MLLT3: variants seen among roughly 807,000 people sequenced by gnomAD.
MLLT3 encodes the protein MLLT3 super elongation complex subunit, also known as protein AF-9.
A neutral mutation model predicts 53.2 loss-of-function variants in MLLT3; 4 were observed. That is an observed-to-expected ratio of 0.08 (90% CI 0.04 to 0.17). The LOEUF (loss-of-function observed/expected upper bound fraction) is 0.17. Ranked by LOEUF, MLLT3 falls within the 10% of genes least tolerant of loss-of-function variation. The pLI is 1.00. For missense variants in MLLT3, 569 were observed against 684.0 expected (o/e 0.83, Z 1.87); for synonymous variants, 283 against 230.6 (o/e 1.23, Z -2.06).
At chr9:20,471,312 C>T (rs551725539) in intron 2 of MLLT3, among the ~76,000 whole-genome samples, 5 of 151,822 alleles carry the variant, frequency 3.3e-5, no homozygotes, top group South Asian at 2.1e-4. Context: ...AACAGTAATG[C>T]GATGTTGAGT....
At chr9:20,618,078 G>C (rs1350071342) in intron 2 of MLLT3, among the ~76,000 whole-genome samples, 1 of 152,158 alleles carries the variant, frequency 6.6e-6, no homozygotes, top group South Asian at 2.1e-4. Context: ...TGTATACAGT[G>C]AAAGTGATTT....
At chr9:20,415,463 G>A in intron 4 of MLLT3, 6 of 969,268 alleles carry the variant, frequency 6.2e-6, no homozygotes, top group Non-Finnish European at 7.4e-6. Context: ...ACCATTAATA[G>A]TAAGAATAAG....
chr9:20,525,146 A>C (rs540924742), intron 2 of MLLT3, among the ~76,000 whole-genome samples: 1 of 150,888 alleles, frequency 6.6e-6, no homozygotes, highest in Non-Finnish European at 1.5e-5. Context: ...AAAAAAAAAA[A>C]CAGAGGCGTG....
chr9:20,565,766 A>T (rs1036880638), intron 2 of MLLT3, among the ~76,000 whole-genome samples: 39 of 151,064 alleles, frequency 2.6e-4, no homozygotes, highest in African/African-American at 9.2e-4. Flanking sequence ...TGGTGCCCTG[A>T]GACCTAGACT....
intron 2 of MLLT3, among the ~76,000 whole-genome samples, chr9:20,510,605 C>CCA (rs1159948620): frequency 1.8e-5 from 2 of 109,482 alleles, no homozygotes; most frequent in Non-Finnish European, 3.6e-5. Flanking sequence ...GATCAAGACT[C>CCA]CATCTCAGAA....
At chr9:20,350,757 C>A (rs997617618) in intron 10 of MLLT3, among the ~76,000 whole-genome samples, 1 of 152,128 alleles carries the variant, frequency 6.6e-6, no homozygotes, top group Non-Finnish European at 1.5e-5. Context: ...ACTACGCAGG[C>A]TGTTGGATGT....
chr9:20,508,670 A>T (rs565142953), intron 2 of MLLT3, among the ~76,000 whole-genome samples: 53 of 152,332 alleles, frequency 3.5e-4, no homozygotes, highest in African/African-American at 1.2e-3. Flanking sequence ...AAGAAACTTA[A>T]CAGAACAAAA....
At chr9:20,365,631 G>A (rs1821430467) in intron 6 of MLLT3, 38 bp downstream of exon 6, 9 of 1,612,186 alleles carry the variant, frequency 5.6e-6, no homozygotes, top group African/African-American at 1.3e-5. Flanking sequence ...GGTGTTTTAT[G>A]AGAAAAGCAT....
At chr9:20,405,923 C>A (rs1003513661) in intron 5 of MLLT3, among the ~76,000 whole-genome samples, 2 of 151,846 alleles carry the variant, frequency 1.3e-5, no homozygotes, top group African/African-American at 4.8e-5. Flanking sequence ...ACCAGCCTGG[C>A]CAACATGGTG....
intron 2 of MLLT3, among the ~76,000 whole-genome samples, chr9:20,517,751 T>G (rs1178306157): frequency 2.6e-5 from 4 of 151,834 alleles, no homozygotes; most frequent in Non-Finnish European, 4.4e-5. Context: ...GCAGAAAAAT[T>G]GCTTGAACCT....
In MLLT3 at chr9:20,425,182, A is replaced by G. The variant is rs560130072; in HGVS notation, c.421-10757T>C. The stretch of plus-strand genomic sequence containing the variant: ...ACATTAAACATCTAGAAAGTTATAA[A>G]GGTATCCAAGAGATCAATTTAAAAT... On this transcript the variant is annotated intron_variant, in intron 4 of 10. Coordinates refer to ENST00000380338, the MANE Select transcript of MLLT3 (RefSeq NM_004529.4). Among the ~76,000 whole-genome samples the G allele has an allele frequency of 5.9e-5, 9 of 152,312 alleles. No homozygotes were observed. The South Asian group carries it at 1.9e-3, about 32-fold the overall frequency.
Position 20,622,360 on chromosome 9 carries a change from C to T in MLLT3, c.-104G>A. 1 of 1,099,854 alleles carries T rather than the reference C, an allele frequency of 9.1e-7. No individual in the cohort carries two copies. Among genetic ancestry groups the T allele is most frequent in the Non-Finnish European group, 1.3e-6 (1 of 787,628 alleles). 68.1% of individuals were successfully genotyped at this position (1,099,854 alleles called of 1,614,324 possible). On this transcript the variant is annotated 5_prime_UTR_variant, in exon 1 of 11. Transcript: ENST00000380338. The stretch of plus-strand genomic sequence containing the variant: ...AGAGGCTGCTATGAATGAGAGCGCG[C>T]CCAGGAGCGGAGGGTAGATGGCGGA...
At chr9:20,347,332 T>C (rs1312692836) in intron 10 of MLLT3, among the ~76,000 whole-genome samples, 1 of 152,196 alleles carries the variant, frequency 6.6e-6, no homozygotes, top group African/African-American at 2.4e-5. Flanking sequence ...CCTGAATATT[T>C]TGGGGAGATT....
intron 4 of MLLT3, among the ~76,000 whole-genome samples, chr9:20,438,665 C>T (rs1823467054): frequency 6.6e-6 from 1 of 152,004 alleles, no homozygotes; most frequent in Non-Finnish European, 1.5e-5. Context: ...AAACTCCTGG[C>T]CTCAAGTGAT....
intron 2 of MLLT3, among the ~76,000 whole-genome samples, chr9:20,497,621 T>C (rs1825111874): frequency 6.6e-6 from 1 of 152,210 alleles, no homozygotes; most frequent in African/African-American, 2.4e-5. Flanking sequence ...CCCATGGTGT[T>C]GGGTATCAAT....
intron 2 of MLLT3, among the ~76,000 whole-genome samples, chr9:20,510,232 G>A (rs1825498031): frequency 2.6e-5 from 4 of 152,132 alleles, no homozygotes; most frequent in Admixed American, 2.6e-4. Flanking sequence ...GGAAAAAAAT[G>A]AGCAATGAAT....
At position 20,345,290 on chromosome 9, in the gene MLLT3, C is replaced by T. The variant is rs1186583118; in HGVS notation, c.*1153G>A. The stretch of plus-strand genomic sequence containing the variant: ...TATGGCAGAATAACCAAGAATTTTT[C>T]CCCAAAGAAAGATTTTAATTTTTTC... On this transcript the variant is annotated 3_prime_UTR_variant, in exon 11 of 11. Coordinates refer to ENST00000380338, the MANE Select transcript of MLLT3 (RefSeq NM_004529.4). 4.7e-6 allele frequency: 1 copy of T among 214,558 alleles called. No homozygotes were observed. The highest frequency in any genetic ancestry group is 2.3e-5 in the African/African-American group (1 of 44,280). The allele number at this position is 214,558 out of a possible 1,614,324, so 13.3% of individuals were successfully genotyped here.
chr9:20,596,597 A>C (rs571340440), intron 2 of MLLT3, among the ~76,000 whole-genome samples: 1 of 152,210 alleles, frequency 6.6e-6, no homozygotes, highest in Admixed American at 6.5e-5. Flanking sequence ...AGGCTGAGGC[A>C]TGAGAATCGC....
chr9:20,622,070 G>GT (rs148025878), intron 1 of MLLT3, 175 bp downstream of exon 1: 2,895 of 207,282 alleles, frequency 0.014, 125 homozygotes, highest in African/African-American at 0.071. Flanking sequence ...CGCGCCGGGG[G>GT]GGGGTGGGGG....
Sources: gnomAD v4.1 joint callset for allele counts (sites outside exome capture counted in the v4.1 genomes callset) on GRCh38, gnomAD v4.1.1 for gene constraint, MANE v1.5 for transcripts, NCBI Gene and HGNC (gene_info 2026-07-23, HGNC 2026-07-21) for gene names.